Variants in C16orf89 observed in about 807,000 individuals in gnomAD.
C16orf89 encodes the protein UPF0764 protein C16orf89.
In C16orf89, 57 loss-of-function variants were observed where a neutral mutation model predicts 41.5. The ratio of observed to expected loss-of-function variants is 1.38; its 90% CI spans 1.11 to 1.71. The LOEUF (loss-of-function observed/expected upper bound fraction) is 1.71, where lower values mean the gene tolerates loss of function less well. C16orf89 is among the 40% of genes most tolerant of loss of function. The pLI, the probability that C16orf89 is intolerant of heterozygous loss-of-function variation, is 0.00. For missense variants in C16orf89, 575 were observed against 445.9 expected (o/e 1.29, Z -2.61); for synonymous variants, 223 against 190.6 (o/e 1.17, Z -1.40).
At position 5,056,174 on chromosome 16, in the gene C16orf89, C is replaced by G; in HGVS notation, c.642G>C (p.Gln214His). 2 of 1,590,066 alleles carry G rather than the reference C, an allele frequency of 1.3e-6. No individual in the cohort carries two copies. The highest frequency in any genetic ancestry group is 1.3e-5 in the African/African-American group (1 of 74,652). ...AGTCCTGGCTCTGTTGGAGTGGTCC[C>G]TGTGTGCACCCCCTCTGGGGAGACA... ...FLWARMRGCTQGPLQQSQDYI... is the reference protein window; with the variant it reads ...FLWARMRGCTHGPLQQSQDYI... Residue 214 changes from glutamine to histidine, a missense_variant, in exon 5 of 8, where the codon CAG (glutamine) becomes CAC (histidine). Coordinates refer to ENST00000472572, the MANE Select transcript of C16orf89 (RefSeq NM_001098514.3).
intron 6 of C16orf89, among the ~76,000 whole-genome samples, chr16:5,054,872 C>T (rs1956460620): frequency 6.6e-6 from 1 of 152,164 alleles, no homozygotes; most frequent in Admixed American, 6.6e-5. Context: ...TTTCGCCTTC[C>T]ACTATGATTG....
At chr16:5,043,686 C>T (rs537987566), downstream of C16orf89, 1 of 152,164 alleles carries the variant, frequency 6.6e-6, no homozygotes, top group Non-Finnish European at 1.5e-5. Flanking sequence ...ATATTTGGTA[C>T]CTGAACAAAT....
chr16:5,044,639 C>T lies in C16orf89; in HGVS notation c.956-161G>A, dbSNP rs567972068. ...GGCGGATCTCTTGAGATCAGGAGTT[C>T]GAGACCAGCATGAGCAACATGATGA... On this transcript the variant is annotated intron_variant, in intron 7 of 7. Coordinates refer to ENST00000472572, the MANE Select transcript of C16orf89 (RefSeq NM_001098514.3). 62 of 1,368,166 alleles carry T rather than the reference C, an allele frequency of 4.5e-5. No individual in the cohort carries two copies. The Admixed American group carries it at 4.6e-4, about 10-fold the overall frequency. 84.8% of individuals were successfully genotyped at this position (1,368,166 alleles called of 1,614,324 possible).
At chr16:5,063,667 G>A (rs1429620606) in intron 1 of C16orf89, among the ~76,000 whole-genome samples, 1 of 152,182 alleles carries the variant, frequency 6.6e-6, no homozygotes, top group Non-Finnish European at 1.5e-5. Context: ...ACATACGAGG[G>A]ATCTAGGCTG....
intron 1 of C16orf89, among the ~76,000 whole-genome samples, chr16:5,064,308 C>CT (rs935222014): frequency 2.6e-5 from 4 of 152,184 alleles, no homozygotes; most frequent in African/African-American, 9.7e-5. Flanking sequence ...ACCCTGCCCA[C>CT]TGGGAGCTCA....
chr16:5,064,124 CAAAAT>C (rs1330735665), intron 1 of C16orf89, among the ~76,000 whole-genome samples: 1 of 151,634 alleles, frequency 6.6e-6, no homozygotes, highest in Non-Finnish European at 1.5e-5. Context: ...GACTCCGTCT[CAAAAT>C]AATAATAATA....
At chr16:5,057,456 GAAAT>G (rs973629662) in intron 4 of C16orf89, among the ~76,000 whole-genome samples, 6 of 147,054 alleles carry the variant, frequency 4.1e-5, no homozygotes, top group Non-Finnish European at 6.0e-5. Flanking sequence ...ATAAAGAAAA[GAAAT>G]ATATATACTG....
At chr16:5,062,801 G>C (rs1234228787) in intron 1 of C16orf89, among the ~76,000 whole-genome samples, 1 of 152,162 alleles carries the variant, frequency 6.6e-6, no homozygotes, top group East Asian at 1.9e-4. Context: ...TGGTGGCTGA[G>C]AGCTTGGTTT....
intron 7 of C16orf89, chr16:5,044,931 TG>T (rs1474169646): frequency 8.2e-7 from 1 of 1,222,090 alleles, no homozygotes; most frequent in African/African-American, 1.6e-5. Context: ...AGGCCCCTTT[TG>T]CTGGGCCGGG....
intron 6 of C16orf89, among the ~76,000 whole-genome samples, chr16:5,050,829 T>C (rs73512380): frequency 0.021 from 3,266 of 152,332 alleles, 104 homozygotes; most frequent in African/African-American, 0.074. Context: ...ATGAATGTTT[T>C]GCATTTTAAA....
At chr16:5,060,057 A>G (rs1956583827) in intron 3 of C16orf89, among the ~76,000 whole-genome samples, 2 of 151,880 alleles carry the variant, frequency 1.3e-5, no homozygotes. Flanking sequence ...GTGTTCAGCC[A>G]TGGCTGCTGG....
chr16:5,043,683 G>C (rs1307915000), downstream of C16orf89: 1 of 152,114 alleles, frequency 6.6e-6, no homozygotes, highest in African/African-American at 2.4e-5. Flanking sequence ...ACTATATTTG[G>C]TACCTGAACA....
intron 3 of C16orf89, among the ~76,000 whole-genome samples, chr16:5,059,555 C>T (rs188483951): frequency 2.6e-5 from 4 of 152,158 alleles, no homozygotes; most frequent in African/African-American, 9.6e-5. Flanking sequence ...GTGTCCTGGC[C>T]TAAGCACTGC....
chr16:5,065,751 C>T lies in C16orf89; in HGVS notation c.158G>A (p.Arg53Lys), dbSNP rs763830050. ...LERATVFLEQRLPEINLDGMV... is the reference protein window; with the variant it reads ...LERATVFLEQKLPEINLDGMV... ...GCCATCCAGGTTGATTTCAGGCAGC[C>T]TCTGTTCTAGGAAGACGGTGGCTCT... Residue 53 changes from arginine (R) to lysine (K), a missense_variant, in exon 1 of 8, where the codon AGG (arginine) becomes AAG (lysine). Coordinates refer to ENST00000472572, the MANE Select transcript of C16orf89 (RefSeq NM_001098514.3). The T allele has an allele frequency of 2.5e-6, 4 of 1,614,174 alleles. No individual in the cohort carries two copies.
In C16orf89 at chr16:5,056,109, C is replaced by T. The variant is rs748422574; in HGVS notation, c.707G>A (p.Arg236His). Residue 236 changes from arginine to histidine, a missense_variant, in exon 5 of 8, where the codon CGC becomes CAC. Transcript: ENST00000472572. ...LFCANMMDLN[R>H]RAEAIGYAYP... Reference sequence around the variant, plus strand: ...GGCGTATCCGATGGCCTCAGCTCTGCGGTTCAAGTCCATCATGTTGGCGCA... The same window carrying T: ...GGCGTATCCGATGGCCTCAGCTCTGTGGTTCAAGTCCATCATGTTGGCGCA... 65 of 1,599,308 alleles carry T rather than the reference C, an allele frequency of 4.1e-5. No individual in the cohort carries two copies. The highest frequency in any genetic ancestry group is 5.5e-5 in the South Asian group (5 of 90,806).
chr16:5,052,162 C>T (rs146664348), intron 6 of C16orf89, among the ~76,000 whole-genome samples: 2 of 147,970 alleles, frequency 1.4e-5, no homozygotes, highest in African/African-American at 5.0e-5. Flanking sequence ...GCTGCATAGA[C>T]ATCTCTCAAA....
rs527644132 is a variant in C16orf89 at position 5,048,206 on chromosome 16, T to A, written c.869-242A>T. ...ACCATGTCCAGCTATTTAAAAAAAATTTTTTTTTGGTAGAGATGGGGTCTT... is the reference window on the plus strand; with the variant it reads ...ACCATGTCCAGCTATTTAAAAAAAAATTTTTTTTGGTAGAGATGGGGTCTT... On this transcript the variant is annotated intron_variant, in intron 6 of 7. Transcript: ENST00000472572. 2.7e-3 allele frequency among the ~76,000 whole-genome samples: 412 copies of A among 151,644 alleles called. 4 individuals are homozygous for A. Among genetic ancestry groups the A allele is most frequent in the African/African-American group, 5.8e-3 (242 of 41,390 alleles).
chr16:5,044,815 G>A (rs1229067269), intron 7 of C16orf89: 1 of 1,234,434 alleles, frequency 8.1e-7, no homozygotes, highest in Non-Finnish European at 1.0e-6. Context: ...CTGTACTCCA[G>A]CCTGAGCAAC....
intron 6 of C16orf89, 133 bp downstream of exon 6, chr16:5,055,113 G>T (rs1051811820): frequency 1.3e-6 from 1 of 763,828 alleles, no homozygotes; most frequent in South Asian, 1.8e-5. Context: ...ACGTCTGTGT[G>T]TGTGCACCTG....
Sources: gnomAD v4.1 joint callset for allele counts (sites outside exome capture counted in the v4.1 genomes callset) on GRCh38, gnomAD v4.1.1 for gene constraint, MANE v1.5 for transcripts, NCBI Gene and HGNC (gene_info 2026-07-23, HGNC 2026-07-21) for gene names.